The following TNS3 variants were observed in gnomAD, a reference collection of about 807,000 sequenced individuals.
TNS3 encodes tensin-3.
Under a neutral mutation model 140.9 loss-of-function variants are expected in TNS3, and 45 were observed. The ratio of observed to expected loss-of-function variants is 0.32; its 90% CI spans 0.25 to 0.41. TNS3 has a LOEUF of 0.41. TNS3 is among the 10% of genes least tolerant of loss of function. The pLI, the probability that TNS3 is intolerant of heterozygous loss-of-function variation, is 1.00. For synonymous variants in TNS3, 815 were observed against 788.4 expected (o/e 1.03, Z -0.56); for missense variants, 1,716 against 1,906.7 (o/e 0.90, Z 1.86).
intron 16 of TNS3, among the ~76,000 whole-genome samples, chr7:47,384,379 G>A (rs887088692): frequency 5.9e-5 from 9 of 152,300 alleles, no homozygotes; most frequent in African/African-American, 2.2e-4. Context: ...TGGCTACAGC[G>A]TTCTCCAGCC....
rs1485750869 is a variant in TNS3 at position 47,522,875 on chromosome 7, C to T, written c.-153+6161G>A. The stretch of plus-strand genomic sequence containing the variant: ...CCTGGGAGGCAGAGCTTGCTGTGAG[C>T]TGAGATCGCGCCAATGCACTCCAGC... On this transcript the variant is annotated intron_variant, in intron 2 of 30. Coordinates refer to ENST00000311160, the MANE Select transcript of TNS3 (RefSeq NM_022748.12). Among the ~76,000 whole-genome samples the T allele has an allele frequency of 2.0e-5, 3 of 148,800 alleles. No homozygotes were observed. In the East Asian group the frequency reaches 6.0e-4, roughly 30 times the overall value.
At chr7:47,299,045 C>T (rs1415079012) in intron 23 of TNS3, among the ~76,000 whole-genome samples, 1 of 152,240 alleles carries the variant, frequency 6.6e-6, no homozygotes, top group Non-Finnish European at 1.5e-5. Context: ...AGGGCACAGG[C>T]CCTGGGAATA....
At chr7:47,367,818 G>A (rs540073163) in intron 17 of TNS3, among the ~76,000 whole-genome samples, 2 of 152,220 alleles carry the variant, frequency 1.3e-5, no homozygotes, top group South Asian at 2.1e-4. Context: ...ACACCACCAC[G>A]GCCAACTCTG....
chr7:47,405,947 A>G (rs1052750175), intron 13 of TNS3, among the ~76,000 whole-genome samples: 1 of 152,072 alleles, frequency 6.6e-6, no homozygotes, highest in Admixed American at 6.5e-5. Flanking sequence ...AGGGGCAGCA[A>G]GATGAAGCAT....
intron 1 of TNS3, among the ~76,000 whole-genome samples, chr7:47,548,756 A>C: frequency 6.6e-6 from 1 of 151,466 alleles, no homozygotes; most frequent in Non-Finnish European, 1.5e-5. Context: ...GGTCCTGACC[A>C]CTCCAAGCTT....
intron 17 of TNS3, among the ~76,000 whole-genome samples, chr7:47,348,488 C>G (rs772935587): frequency 1.3e-5 from 2 of 152,168 alleles, no homozygotes; most frequent in Non-Finnish European, 2.9e-5. Context: ...GTTCAACATG[C>G]AAGATAATAT....
intron 16 of TNS3, among the ~76,000 whole-genome samples, chr7:47,378,387 T>C (rs1267518817): frequency 6.6e-6 from 1 of 152,142 alleles, no homozygotes; most frequent in Non-Finnish European, 1.5e-5. Context: ...AAGATGGGTT[T>C]AAAAAAACGT....
At chr7:47,533,420 G>A (rs56934377) in intron 1 of TNS3, among the ~76,000 whole-genome samples, 85 of 139,922 alleles carry the variant, frequency 6.1e-4, no homozygotes, top group Middle Eastern at 7.3e-3. Context: ...GTGAGCCACC[G>A]CACCTGGCCT....
At chr7:47,283,988 G>T in intron 27 of TNS3, 123 bp from the exon 28 acceptor site, 1 of 885,276 alleles carries the variant, frequency 1.1e-6, no homozygotes, top group Non-Finnish European at 1.6e-6. Context: ...TGTGGCCTAT[G>T]CTGGGTGCAT....
intron 16 of TNS3, among the ~76,000 whole-genome samples, chr7:47,380,766 G>GCACACACA (rs113541286): frequency 1.1e-4 from 15 of 141,008 alleles, no homozygotes; most frequent in African/African-American, 3.9e-4. Flanking sequence ...ATATGCACGC[G>GCACACACA]CGCGCACACA....
intron 21 of TNS3, among the ~76,000 whole-genome samples, chr7:47,303,819 CA>C (rs1412567405): frequency 2.0e-5 from 3 of 152,226 alleles, no homozygotes; most frequent in African/African-American, 7.2e-5. Flanking sequence ...TGAGGGCACC[CA>C]GGGGAGCCGC....
chr7:47,404,420 A>G (rs1350682156), intron 13 of TNS3, among the ~76,000 whole-genome samples: 1 of 152,206 alleles, frequency 6.6e-6, no homozygotes, highest in African/African-American at 2.4e-5. Flanking sequence ...TTATATGAAT[A>G]TATTATTTAA....
chr7:47,518,003 C>T (rs944700096), intron 2 of TNS3, among the ~76,000 whole-genome samples: 1 of 152,186 alleles, frequency 6.6e-6, no homozygotes, highest in African/African-American at 2.4e-5. Flanking sequence ...AATCAGTCAA[C>T]AATAATCAAT....
intron 16 of TNS3, among the ~76,000 whole-genome samples, chr7:47,371,932 G>A (rs889607610): frequency 2.6e-5 from 4 of 152,202 alleles, no homozygotes; most frequent in Admixed American, 6.5e-5. Flanking sequence ...TGGGTAGATG[G>A]TTCTATGTAA....
chr7:47,286,920 A>G (rs756044385), intron 27 of TNS3, among the ~76,000 whole-genome samples: 6 of 152,186 alleles, frequency 3.9e-5, no homozygotes, highest in African/African-American at 9.7e-5. Flanking sequence ...ACAAGGAAAA[A>G]GGCAGCATAG....
intron 1 of TNS3, among the ~76,000 whole-genome samples, chr7:47,558,096 A>C (rs1326155404): frequency 6.6e-6 from 1 of 151,764 alleles, no homozygotes; most frequent in Non-Finnish European, 1.5e-5. Flanking sequence ...TCCACTGTCC[A>C]CCCCCATGTG....
intron 1 of TNS3, among the ~76,000 whole-genome samples, chr7:47,549,534 A>G (rs1160434130): frequency 6.6e-6 from 1 of 151,982 alleles, no homozygotes; most frequent in Non-Finnish European, 1.5e-5. Context: ...GACCAATGTG[A>G]TCTAGCCCCT....
chr7:47,471,849 A>G (rs1318629831), intron 4 of TNS3, among the ~76,000 whole-genome samples: 1 of 152,244 alleles, frequency 6.6e-6, no homozygotes, highest in Admixed American at 6.5e-5. Flanking sequence ...CTGAGGAACA[A>G]CTAATCAATA....
chr7:47,497,662 A>AACACACACACAC (rs6150097), intron 3 of TNS3, among the ~76,000 whole-genome samples: 5,934 of 91,136 alleles, frequency 0.065, 178 homozygotes, highest in Middle Eastern at 0.15. Context: ...TCACGTATGG[A>AACACACACACAC]ACACACACAC....
Sources: allele counts gnomAD v4.1 joint callset (sites outside exome capture counted in the v4.1 genomes callset), GRCh38; gene constraint gnomAD v4.1.1; transcripts MANE v1.5; gene names NCBI Gene and HGNC (gene_info 2026-07-23, HGNC 2026-07-21).